The following TMEM245 variants were observed in gnomAD, a reference collection of about 807,000 sequenced individuals.
TMEM245 encodes the protein protein CG-2.
Under a neutral mutation model 101.2 loss-of-function variants are expected in TMEM245, and 69 were observed. The observed-to-expected ratio is 0.68, with a 90% CI of 0.56 to 0.83. The LOEUF (loss-of-function observed/expected upper bound fraction) is 0.83. Ranked by LOEUF, TMEM245 falls within the 40% of genes least tolerant of loss-of-function variation. The pLI is 0.00. For missense variants in TMEM245, 1,075 were observed against 1,092.8 expected (o/e 0.98, Z 0.23); for synonymous variants, 537 against 449.8 (o/e 1.19, Z -2.45).
At chr9:109,034,788 T>C (rs925706459) in intron 16 of TMEM245, among the ~76,000 whole-genome samples, 2 of 152,186 alleles carry the variant, frequency 1.3e-5, no homozygotes, top group Non-Finnish European at 2.9e-5. Context: ...TGGGAGTTTA[T>C]GAATAAAAGC....
chr9:109,119,809 C>G lies in TMEM245; in HGVS notation c.105G>C (p.Glu35Asp). The G allele has an allele frequency of 1.4e-6, 2 of 1,447,650 alleles. No individual in the cohort carries two copies. Among genetic ancestry groups the G allele is most frequent in the Non-Finnish European group, 1.8e-6 (2 of 1,102,698 alleles). 89.7% of individuals were successfully genotyped at this position (1,447,650 alleles called of 1,614,324 possible). ...GCGCCAGCGCCGCGGTCCGCGGGGT[C>G]TCCCCGCCACCGCCACTCGGCCCGA... ...RAVGPSGGGGETPRTAALALR... is the reference protein window; with the variant it reads ...RAVGPSGGGGDTPRTAALALR... Residue 35 changes from glutamate (E) to aspartate (D), a missense_variant, in exon 1 of 18, where the codon GAG (glutamate) becomes GAC (aspartate). By Grantham distance (45) the Glu-to-Asp change is conservative. Transcript: ENST00000374586.
chr9:109,105,607 A>G (rs951971091), intron 3 of TMEM245, among the ~76,000 whole-genome samples: 1 of 152,230 alleles, frequency 6.6e-6, no homozygotes, highest in Non-Finnish European at 1.5e-5. Flanking sequence ...ATATCCATCA[A>G]CTGATGAGTA....
intron 14 of TMEM245, among the ~76,000 whole-genome samples, chr9:109,044,885 G>T (rs146773499): frequency 6.7e-6 from 1 of 150,342 alleles, no homozygotes; most frequent in East Asian, 2.0e-4. Flanking sequence ...TGAGCCTCCC[G>T]AGTAGCTAGG....
At chr9:109,041,456 T>TA (rs1407554436) in intron 14 of TMEM245, among the ~76,000 whole-genome samples, 3 of 114,766 alleles carry the variant, frequency 2.6e-5, no homozygotes, top group Non-Finnish European at 5.1e-5. Context: ...CCTACAAATT[T>TA]TTTTTTTTTT....
chr9:109,097,432 G>C (rs1564204996), intron 3 of TMEM245, among the ~76,000 whole-genome samples: 1 of 152,166 alleles, frequency 6.6e-6, no homozygotes. Context: ...TTGCTATGAG[G>C]AAGCAGCACA....
chr9:109,033,163 C>T, intron 17 of TMEM245, 144 bp downstream of exon 17: 1 of 912,504 alleles, frequency 1.1e-6, no homozygotes, highest in Non-Finnish European at 1.6e-6. Context: ...TTTGTATTTA[C>T]TTAGTGTCTT....
chr9:109,087,426 C>T (rs1829876340), intron 5 of TMEM245, 84 bp from the exon 6 acceptor site: 4 of 1,322,738 alleles, frequency 3.0e-6, no homozygotes, highest in African/African-American at 3.0e-5. Flanking sequence ...TTTCACAAAA[C>T]CTTTCTAAAA....
At chr9:109,114,242 C>T (rs1438792757) in intron 1 of TMEM245, among the ~76,000 whole-genome samples, 1 of 152,188 alleles carries the variant, frequency 6.6e-6, no homozygotes, top group East Asian at 1.9e-4. Context: ...TTAGAGTCAA[C>T]ATTTTTATAT....
chr9:109,034,768 T>A (rs1334806704), intron 16 of TMEM245, among the ~76,000 whole-genome samples: 1 of 151,936 alleles, frequency 6.6e-6, no homozygotes, highest in Admixed American at 6.6e-5. Flanking sequence ...TTAAAAAAAA[T>A]AAAAACGTGT....
At chr9:109,082,535 G>A (rs1341325667) in intron 7 of TMEM245, among the ~76,000 whole-genome samples, 2 of 152,028 alleles carry the variant, frequency 1.3e-5, no homozygotes, top group African/African-American at 4.8e-5. Flanking sequence ...CTTAGCACGT[G>A]GTAAGCATTC....
chr9:109,038,011 T>G lies in TMEM245; in HGVS notation c.2224+6A>C. 1 of 1,600,026 alleles carries G rather than the reference T, an allele frequency of 6.2e-7. No individual in the cohort carries two copies. The highest frequency in any genetic ancestry group is 8.5e-7 in the Non-Finnish European group (1 of 1,170,954). The stretch of plus-strand genomic sequence containing the variant: ...CGAATAGTGGAAGGTACAATATGGT[T>G]GTTACCTGATGGTATGAAGACAATA... On this transcript the variant is annotated splice_donor_region_variant and intron_variant, in intron 15 of 17. Transcript: ENST00000374586.
At chr9:109,117,482 C>A (rs1830756034) in intron 1 of TMEM245, among the ~76,000 whole-genome samples, 1 of 152,168 alleles carries the variant, frequency 6.6e-6, no homozygotes, top group African/African-American at 2.4e-5. Context: ...CAGGTCTAAT[C>A]AGTGTTGGCC....
At chr9:109,094,901 C>A (rs538098547) in intron 3 of TMEM245, among the ~76,000 whole-genome samples, 1 of 152,066 alleles carries the variant, frequency 6.6e-6, no homozygotes, top group Non-Finnish European at 1.5e-5. Flanking sequence ...TTCAGAAAGC[C>A]GATGAATTTC....
intron 4 of TMEM245, 124 bp from the exon 5 acceptor site, chr9:109,091,279 T>C: frequency 1.2e-6 from 1 of 836,872 alleles, no homozygotes; most frequent in Admixed American, 3.1e-5. Flanking sequence ...TATGATTACA[T>C]CGGGTTAAAA....
At chr9:109,090,174 T>C (rs1467453915) in intron 5 of TMEM245, among the ~76,000 whole-genome samples, 1 of 152,062 alleles carries the variant, frequency 6.6e-6, no homozygotes, top group East Asian at 1.9e-4. Flanking sequence ...GGTGGGAGAA[T>C]TGCTTGAACC....
chr9:109,025,769 A>G lies in TMEM245; in HGVS notation c.2595-5264T>C, dbSNP rs113557207. Among the ~76,000 whole-genome samples the G allele has an allele frequency of 3.7e-3, 565 of 152,312 alleles. 4 individuals carry two copies. The highest frequency in any genetic ancestry group is 6.4e-3 in the Non-Finnish European group (437 of 68,014). ...CTTTCCCTACACATCCCATCTCCCT[A>G]AACAAGCCCACTATTAATAGAGAAC... On this transcript the variant is annotated intron_variant, in intron 17 of 17. Coordinates refer to ENST00000374586, the MANE Select transcript of TMEM245 (RefSeq NM_032012.4).
intron 1 of TMEM245, among the ~76,000 whole-genome samples, chr9:109,115,155 T>C (rs1199467048): frequency 6.6e-6 from 1 of 152,098 alleles, no homozygotes; most frequent in Non-Finnish European, 1.5e-5. Flanking sequence ...AAGACCAGCC[T>C]GGCCAACATG....
rs749879058 is a variant in TMEM245, at chr9:109,093,608, C to A, written c.800-17G>T. The A allele has an allele frequency of 6.2e-7, 1 of 1,601,998 alleles. No homozygotes were observed. Among genetic ancestry groups the A allele is most frequent in the South Asian group, 1.1e-5 (1 of 90,502 alleles). On this transcript the variant is annotated splice_polypyrimidine_tract_variant and intron_variant, in intron 3 of 17. Coordinates refer to ENST00000374586, the MANE Select transcript of TMEM245 (RefSeq NM_032012.4). ...ACTCTGCCCCTGTAAAAGAAGCATC[C>A]ATTTTCAAAACTCTTTAAAGTAGGA...
intron 14 of TMEM245, 112 bp from the exon 15 acceptor site, chr9:109,038,229 C>A (rs1828197195): frequency 4.5e-6 from 3 of 661,648 alleles, no homozygotes; most frequent in Non-Finnish European, 7.4e-6. Context: ...AGTTTTTCTG[C>A]TGGCCTGAGA....
Sources: allele counts gnomAD v4.1 joint callset (sites outside exome capture counted in the v4.1 genomes callset), GRCh38; gene constraint gnomAD v4.1.1; transcripts MANE v1.5; gene names NCBI Gene and HGNC (gene_info 2026-07-23, HGNC 2026-07-21).